The following SLAIN1 variants were observed in gnomAD, a reference collection of about 807,000 sequenced individuals.
The protein encoded by SLAIN1 is SLAIN family member 1.
SLAIN1 carries 17 observed loss-of-function variants against 55.4 expected under a neutral mutation model. The ratio of observed to expected loss-of-function variants is 0.31; its 90% CI spans 0.21 to 0.46. SLAIN1 has a LOEUF of 0.46. Among genes scored for constraint, SLAIN1 ranks in the 20% least tolerant of loss-of-function variants. The pLI, the probability that SLAIN1 is intolerant of heterozygous loss-of-function variation, is 1.00. For synonymous variants in SLAIN1, 348 were observed against 337.4 expected, an observed-to-expected ratio of 1.03 and a Z score of -0.35; for missense variants, 682 against 785.1, an observed-to-expected ratio of 0.87 and a Z score of 1.57.
In SLAIN1 at chr13:77,698,092, T is replaced by A; in HGVS notation, c.179T>A (p.Leu60Gln). The A allele has an allele frequency of 2.5e-6, 3 of 1,185,546 alleles. No homozygotes were observed. Among genetic ancestry groups the A allele is most frequent in the Non-Finnish European group, 3.1e-6 (3 of 960,146 alleles). The allele number at this position is 1,185,546 out of a possible 1,614,324, so 73.4% of individuals were successfully genotyped here. The stretch of plus-strand genomic sequence containing the variant: ...AGCGCGGCCGCCGCCCCGCACCTGC[T>A]GCTGCTGCCGCCGCCGCCGCCCGCC... ...AASAAAAPHL[L>Q]LLPPPPPAAP... Residue 60 changes from leucine (L) to glutamine (Q), a missense_variant, in exon 1 of 7, where the codon CTG (leucine) becomes CAG (glutamine). By Grantham distance (113) the Leu-to-Gln change is moderately radical. Coordinates refer to ENST00000418532, the MANE Select transcript of SLAIN1 (RefSeq NM_001242868.2). The surrounding 1 kb of genome is among the most constrained non-coding windows in gnomAD (Gnocchi z 4.1).
intron 6 of SLAIN1, among the ~76,000 whole-genome samples, 168 bp from the exon 7 acceptor site, chr13:77,762,977 A>G (rs1387806233): frequency 6.6e-6 from 1 of 152,218 alleles, no homozygotes; most frequent in Non-Finnish European, 1.5e-5. Flanking sequence ...GGAGATAAGC[A>G]TGCAGTGAAG....
chr13:77,720,400 C>T (rs1458685549), intron 2 of SLAIN1, among the ~76,000 whole-genome samples: 1 of 152,180 alleles, frequency 6.6e-6, no homozygotes, highest in East Asian at 1.9e-4. Flanking sequence ...TCCGGAGCCT[C>T]CAGATTAAAG....
intron 2 of SLAIN1, among the ~76,000 whole-genome samples, chr13:77,738,591 T>A (rs1873254900): frequency 6.6e-6 from 1 of 152,068 alleles, no homozygotes; most frequent in South Asian, 2.1e-4. Context: ...CTAGAAGCCA[T>A]TATCCTCAGC....
At chr13:77,735,101 A>G (rs1873055553) in intron 2 of SLAIN1, among the ~76,000 whole-genome samples, 1 of 148,556 alleles carries the variant, frequency 6.7e-6, no homozygotes, top group Admixed American at 6.6e-5. Context: ...ACATTTCATT[A>G]AAAAAAGTAT....
In SLAIN1 at chr13:77,698,711, G is replaced by A. The variant is rs988137469; in HGVS notation, c.626+172G>A. 3.3e-5 allele frequency among the ~76,000 whole-genome samples: 5 copies of A among 152,168 alleles called. No homozygotes were observed. The highest frequency in any genetic ancestry group is 5.9e-5 in the Non-Finnish European group (4 of 68,016). ...TGAGCCAGGCGGTGACACTTCCCAC[G>A]ATGAGGCTTCTCATGAAGGCAGAAA... On this transcript the variant is annotated intron_variant, in intron 1 of 6. Coordinates refer to ENST00000418532, the MANE Select transcript of SLAIN1 (RefSeq NM_001242868.2). The surrounding 1 kb of genome is among the most constrained non-coding windows in gnomAD (Gnocchi z 4.1).
At chr13:77,699,294 A>T (rs572105269) in intron 1 of SLAIN1, 2 of 297,564 alleles carry the variant, frequency 6.7e-6, no homozygotes, top group South Asian at 1.8e-4. Flanking sequence ...TTAATTTTTT[A>T]AATTAAACTG....
chr13:77,714,649 T>G (rs2091188451), intron 1 of SLAIN1, among the ~76,000 whole-genome samples: 1 of 152,148 alleles, frequency 6.6e-6, no homozygotes, highest in African/African-American at 2.4e-5. Flanking sequence ...CAGTGATTCC[T>G]TATCTTGTGA....
chr13:77,742,732 C>A (rs140747529), intron 2 of SLAIN1: 4 of 152,370 alleles, frequency 2.6e-5, no homozygotes, highest in African/African-American at 9.7e-5. Context: ...ACATTTCTAA[C>A]GTAGAAACTC....
chr13:77,740,205 A>G (rs1873345238), intron 2 of SLAIN1, among the ~76,000 whole-genome samples: 1 of 152,070 alleles, frequency 6.6e-6, no homozygotes, highest in Non-Finnish European at 1.5e-5. Flanking sequence ...AATTGATGAG[A>G]GTAACACAGT....
intron 1 of SLAIN1, among the ~76,000 whole-genome samples, chr13:77,718,816 A>G (rs2091233080): frequency 2.0e-5 from 3 of 152,080 alleles, no homozygotes; most frequent in Non-Finnish European, 4.4e-5. Flanking sequence ...AATATTCTAA[A>G]ATCTACCTTA....
At position 77,763,704 on chromosome 13, in the gene SLAIN1, T is replaced by C. The variant is rs1359507944; in HGVS notation, c.*484T>C. On this transcript the variant is annotated 3_prime_UTR_variant, in exon 7 of 7. Transcript: ENST00000418532. ...TTTATTTTTTGTGCCTATTTCTTTT[T>C]ACACCTATGTGAACCACTATGGAAC... is the stretch of plus-strand genomic sequence containing the variant. The C allele has an allele frequency of 6.5e-6, 1 of 153,748 alleles. No homozygotes were observed. The allele number at this position is 153,748 out of a possible 1,614,324, so 9.5% of individuals were successfully genotyped here.
Position 77,698,522 on chromosome 13 carries a change from C to T in SLAIN1, c.609C>T (p.Asp203=). 1 of 1,444,820 alleles carries T rather than the reference C, an allele frequency of 6.9e-7. No individual in the cohort carries two copies. 89.5% of individuals were successfully genotyped at this position (1,444,820 alleles called of 1,614,324 possible). A position where few individuals can be genotyped will look rare whatever the true frequency, so the allele number is the denominator to read the frequency against. The part of the protein sequence containing the change: ...LDLESVAAWR[D]EDDYTWLYIG... ...TGGAGAGCGTAGCCGCCTGGCGGGA[C>T]GAGGACGACTACACCTGGTACTGCC... The change falls in exon 1 of 7, where the codon GAC becomes GAT. Residue 203 remains aspartate, a synonymous_variant. Transcript: ENST00000418532. This position sits in a 1 kb window ranked among gnomAD's most constrained non-coding sequence, Gnocchi z 4.1.
intron 1 of SLAIN1, chr13:77,699,138 A>G: frequency 1.5e-6 from 2 of 1,377,904 alleles, no homozygotes; most frequent in Admixed American, 2.1e-5. Context: ...TCAGAGACTG[A>G]CTTGCTTTTT....
chr13:77,721,882 C>T (rs2091265629), intron 2 of SLAIN1, among the ~76,000 whole-genome samples: 2 of 149,470 alleles, frequency 1.3e-5, no homozygotes, highest in South Asian at 4.3e-4. Flanking sequence ...ATTTGGGGTA[C>T]TCTCGGCCAC....
At chr13:77,750,069 A>G (rs1315044718) in intron 4 of SLAIN1, among the ~76,000 whole-genome samples, 1 of 152,196 alleles carries the variant, frequency 6.6e-6, no homozygotes, top group East Asian at 1.9e-4. Context: ...TAATTTGTTT[A>G]CATGTGATTA....
In SLAIN1 at chr13:77,698,900, G is replaced by T. The variant is rs1161205488; in HGVS notation, c.626+361G>T. 3 of 1,532,546 alleles carry T rather than the reference G, an allele frequency of 2.0e-6. No individual in the cohort carries two copies. In the African/African-American group the frequency reaches 4.1e-5, roughly 21 times the overall value. The allele number at this position is 1,532,546 out of a possible 1,614,324, so 94.9% of individuals were successfully genotyped here. On this transcript the variant is annotated intron_variant, in intron 1 of 6. Coordinates refer to ENST00000418532, the MANE Select transcript of SLAIN1 (RefSeq NM_001242868.2). The surrounding 1 kb of genome is among the most constrained non-coding windows in gnomAD (Gnocchi z 4.1). Reference sequence around the variant, plus strand: ...TTGCTCAGTGCTGCTCTTTTCCCCAGTGTTTTCGGAGGGATGACGGGGGAT... The same window carrying T: ...TTGCTCAGTGCTGCTCTTTTCCCCATTGTTTTCGGAGGGATGACGGGGGAT...
rs771722423 is a variant in SLAIN1 at position 77,698,276 on chromosome 13, G to T, written c.363G>T (p.Ala121=). The change falls in exon 1 of 7, where the codon GCG becomes GCT. Residue 121 remains alanine (A), a synonymous_variant. Transcript: ENST00000418532. This position sits in a 1 kb window ranked among gnomAD's most constrained non-coding sequence, Gnocchi z 4.1. ...GCAGCGGCGGTGGCTCCAGCCCCGC[G>T]TTCCCGGGCACCTTCTGCCTGCCTA... is the stretch of plus-strand genomic sequence containing the variant. ...GSGSGGGSSP[A]FPGTFCLPSP... is the part of the protein sequence containing the mutation. 1 of 1,422,166 alleles carries T rather than the reference G, an allele frequency of 7.0e-7. No homozygotes were observed. The highest frequency in any genetic ancestry group is 9.2e-7 in the Non-Finnish European group (1 of 1,086,384). 88.1% of individuals were successfully genotyped at this position (1,422,166 alleles called of 1,614,324 possible).
chr13:77,733,357 TAAA>T (rs1423716101), intron 2 of SLAIN1, among the ~76,000 whole-genome samples: 6 of 152,308 alleles, frequency 3.9e-5, no homozygotes, highest in Admixed American at 1.3e-4. Context: ...GGGTATTTCT[TAAA>T]GATGGTATAT....
At chr13:77,721,427 T>C (rs1452718857) in intron 2 of SLAIN1, among the ~76,000 whole-genome samples, 1 of 152,138 alleles carries the variant, frequency 6.6e-6, no homozygotes, top group Non-Finnish European at 1.5e-5. Flanking sequence ...TTAAATCCCT[T>C]TGGATTAACT....
Sources: allele counts gnomAD v4.1 joint callset (sites outside exome capture counted in the v4.1 genomes callset), GRCh38; gene constraint gnomAD v4.1.1; non-coding constraint Gnocchi (gnomAD v3.1); transcripts MANE v1.5; gene names NCBI Gene and HGNC (gene_info 2026-07-23, HGNC 2026-07-21).